The following TRPM3 variants were observed in gnomAD, a reference collection of about 807,000 sequenced individuals.
TRPM3 encodes the protein transient receptor potential cation channel subfamily M member 3, also known as long transient receptor potential channel 3.
In TRPM3, 77 loss-of-function variants were observed where a neutral mutation model predicts 181.2. That is an observed-to-expected ratio of 0.42 (90% CI 0.35 to 0.51). The LOEUF is 0.51. Among genes scored for constraint, TRPM3 ranks in the 20% least tolerant of loss-of-function variants. TRPM3 has a pLI of 0.01. For synonymous variants in TRPM3, 745 were observed against 796.4 expected (o/e 0.94, Z 1.09); for missense variants, 1,759 against 2,196.7 (o/e 0.80, Z 3.98).
intron 1 of TRPM3, among the ~76,000 whole-genome samples, chr9:71,046,545 C>T (rs2059460845): frequency 6.6e-6 from 1 of 152,152 alleles, no homozygotes; most frequent in African/African-American, 2.4e-5. Flanking sequence ...CTTCAGATAG[C>T]CCTCCAAAAG....
At chr9:70,538,980 C>A (rs765218960) in intron 25 of TRPM3, among the ~76,000 whole-genome samples, 1 of 152,186 alleles carries the variant, frequency 6.6e-6, no homozygotes, top group Non-Finnish European at 1.5e-5. Flanking sequence ...TTTTAAATGT[C>A]CAAAGACAAA....
At chr9:71,071,861 T>C (rs1254996837) in intron 1 of TRPM3, among the ~76,000 whole-genome samples, 1 of 152,168 alleles carries the variant, frequency 6.6e-6, no homozygotes, top group Admixed American at 6.5e-5. Context: ...CAGGATGTGG[T>C]TCACATAGAG....
chr9:70,535,459 A>G lies in TRPM3; in HGVS notation c.*494T>C, dbSNP rs1487883450. Reference sequence around the variant, plus strand: ...CTGAATAAAGAGGATGCTCTTCATCAGTCACCAGTGATGGAGCCAATGTGA... The same window carrying G: ...CTGAATAAAGAGGATGCTCTTCATCGGTCACCAGTGATGGAGCCAATGTGA... On this transcript the variant is annotated 3_prime_UTR_variant, in exon 26 of 26. Coordinates refer to ENST00000677713, the MANE Select transcript of TRPM3 (RefSeq NM_001366145.2). 7 of 1,550,604 alleles carry G rather than the reference A, an allele frequency of 4.5e-6. No individual in the cohort carries two copies. The highest frequency in any genetic ancestry group is 6.1e-6 in the Non-Finnish European group (7 of 1,147,000).
intron 1 of TRPM3, among the ~76,000 whole-genome samples, chr9:71,084,098 T>C (rs2064872573): frequency 6.6e-6 from 1 of 151,942 alleles, no homozygotes; most frequent in Non-Finnish European, 1.5e-5. Flanking sequence ...AAGCCAGTCT[T>C]TGGCTCCAAG....
intron 1 of TRPM3, among the ~76,000 whole-genome samples, chr9:71,291,961 T>G (rs1476928145): frequency 6.6e-6 from 1 of 152,056 alleles, no homozygotes; most frequent in African/African-American, 2.4e-5. Flanking sequence ...ATCAATGTCA[T>G]GTAGATCATG....
chr9:71,159,137 A>AGAG lies in TRPM3; in HGVS notation c.183+287515_183+287516insCTC, dbSNP rs2076153285. On this transcript the variant is annotated intron_variant, in intron 1 of 24. Coordinates refer to the TRPM3 transcript ENST00000357533. The stretch of plus-strand genomic sequence containing the variant: ...AGAGAGAGAGAGAGAGAGAGAGAGA[A>AGAG]AGATGTCCATTCATCCATGTATCCA... 5.3e-4 allele frequency among the ~76,000 whole-genome samples: 60 copies of AGAG among 113,364 alleles called. 1 individual carries two copies. The highest frequency in any genetic ancestry group is 1.7e-3 in the African/African-American group (51 of 30,306). The allele number at this position is 113,364 out of a possible 152,430, so 74.4% of individuals were successfully genotyped here.
chr9:71,288,218 A>G lies in TRPM3; in HGVS notation c.183+158435T>C, dbSNP rs2085466408. Among the ~76,000 whole-genome samples, 4 of 151,600 alleles carry G rather than the reference A, an allele frequency of 2.6e-5. No individual in the cohort carries two copies. In the South Asian group the frequency reaches 8.3e-4, roughly 31 times the overall value. On this transcript the variant is annotated intron_variant, in intron 1 of 24. Transcript: ENST00000357533. ...TATAATATTTAATATCATAATTATG[A>G]TATTAAAACAAAAGATACCTTAGTG...
At chr9:70,799,085 C>G (rs564731092) in intron 6 of TRPM3, among the ~76,000 whole-genome samples, 1 of 152,198 alleles carries the variant, frequency 6.6e-6, no homozygotes, top group Admixed American at 6.5e-5. Flanking sequence ...TCTCGGTCAC[C>G]AGGGAGAAAA....
At chr9:70,775,849 G>A (rs989289280) in intron 7 of TRPM3, 2 of 151,812 alleles carry the variant, frequency 1.3e-5, no homozygotes, top group African/African-American at 2.4e-5. Context: ...GACAAAAATT[G>A]TATGTATTTA....
chr9:70,926,259 A>G (rs772227052), intron 1 of TRPM3, among the ~76,000 whole-genome samples: 22 of 152,152 alleles, frequency 1.4e-4, no homozygotes, highest in Non-Finnish European at 2.8e-4. Flanking sequence ...CTTCAGAGCA[A>G]AGTGTCCCCC....
chr9:71,399,256 T>C (rs1214893413), intron 1 of TRPM3, among the ~76,000 whole-genome samples: 2 of 152,180 alleles, frequency 1.3e-5, no homozygotes, highest in Non-Finnish European at 2.9e-5. Context: ...AAGTTGTTCT[T>C]GTTGATGCCC....
At chr9:70,979,337 GA>G in intron 1 of TRPM3, among the ~76,000 whole-genome samples, 1 of 152,152 alleles carries the variant, frequency 6.6e-6, no homozygotes, top group Middle Eastern at 3.2e-3. Context: ...AAAAGTGGAT[GA>G]TTCACTCATG....
intron 7 of TRPM3, among the ~76,000 whole-genome samples, chr9:70,767,490 G>C (rs1013746091): frequency 2.6e-5 from 4 of 152,176 alleles, no homozygotes; most frequent in African/African-American, 9.7e-5. Context: ...ATTTATTTAT[G>C]TAAAACAGCA....
At chr9:70,641,867 C>T (rs1432376233) in intron 9 of TRPM3, among the ~76,000 whole-genome samples, 1 of 152,150 alleles carries the variant, frequency 6.6e-6, no homozygotes, top group East Asian at 1.9e-4. Context: ...AGGCAGGGGG[C>T]CCAAGTGAGA....
At chr9:71,370,671 G>T (rs2092480346) in intron 1 of TRPM3, among the ~76,000 whole-genome samples, 1 of 152,194 alleles carries the variant, frequency 6.6e-6, no homozygotes, top group Admixed American at 6.5e-5. Context: ...AGGTGAAAGA[G>T]CAAGTGCCAA....
chr9:70,792,785 T>G (rs1269664931), intron 6 of TRPM3, among the ~76,000 whole-genome samples: 1 of 152,096 alleles, frequency 6.6e-6, no homozygotes, highest in Non-Finnish European at 1.5e-5. Flanking sequence ...GGGTAGATAG[T>G]TTTTTGCGTA....
chr9:70,865,720 G>A (rs982342010), intron 1 of TRPM3, among the ~76,000 whole-genome samples: 43 of 152,152 alleles, frequency 2.8e-4, no homozygotes, highest in African/African-American at 8.9e-4. Flanking sequence ...ATGTGGCACC[G>A]AAGGCAGTAA....
chr9:71,099,333 C>A (rs1179892404), intron 1 of TRPM3, among the ~76,000 whole-genome samples: 1 of 152,132 alleles, frequency 6.6e-6, no homozygotes, highest in Non-Finnish European at 1.5e-5. Flanking sequence ...AAAGATTCCA[C>A]CTTCTAATAT....
chr9:71,080,260 C>T (rs1247390666), intron 1 of TRPM3, among the ~76,000 whole-genome samples: 3 of 151,814 alleles, frequency 2.0e-5, no homozygotes, highest in African/African-American at 4.8e-5. Flanking sequence ...GTAATTGGAA[C>T]GAGACAACAG....
Sources: gnomAD v4.1 joint callset for allele counts (sites outside exome capture counted in the v4.1 genomes callset) on GRCh38, gnomAD v4.1.1 for gene constraint, MANE v1.5 for transcripts, NCBI Gene and HGNC (gene_info 2026-07-23, HGNC 2026-07-21) for gene names.